Variants in RGS6 observed in about 807,000 individuals in gnomAD.
RGS6 encodes regulator of G protein signaling 6.
In RGS6, 30 loss-of-function variants were observed where a neutral mutation model predicts 78.5. That is an observed-to-expected ratio of 0.38 (90% CI 0.29 to 0.52). The LOEUF (loss-of-function observed/expected upper bound fraction) is 0.52. Among genes scored for constraint, RGS6 ranks in the 20% least tolerant of loss-of-function variants. The probability of loss-of-function intolerance (pLI) is 0.85; values close to 1 mark genes in which losing one functional copy is unlikely to be tolerated. For missense variants in RGS6, 495 were observed against 609.7 expected (o/e 0.81, Z 1.98); for synonymous variants, 206 against 206.0 (o/e 1.00, Z 0.00).
the RGS6 span, among the ~76,000 whole-genome samples, chr14:71,916,940 T>C: frequency 6.6e-6 from 1 of 151,686 alleles, no homozygotes; most frequent in Non-Finnish European, 1.5e-5. Flanking sequence ...AACCTTAGAG[T>C]GTACACAGGG....
intron 17 of RGS6, among the ~76,000 whole-genome samples, chr14:72,547,810 G>T (rs914153221): frequency 6.6e-6 from 1 of 152,164 alleles, no homozygotes; most frequent in Non-Finnish European, 1.5e-5. Flanking sequence ...ATGAGCAACA[G>T]CACCATGGCC....
intron 3 of RGS6, among the ~76,000 whole-genome samples, chr14:72,392,281 A>C (rs2090180123): frequency 6.6e-6 from 1 of 152,066 alleles, no homozygotes; most frequent in Admixed American, 6.6e-5. Context: ...TTTACATCTG[A>C]CCATGAGATG....
At chr14:71,981,356 C>T (rs984414883) in intron 2 of RGS6, among the ~76,000 whole-genome samples, 120 of 152,108 alleles carry the variant, frequency 7.9e-4, no homozygotes, top group Non-Finnish European at 1.1e-3. Flanking sequence ...TAGAGTTTCC[C>T]GTTTTTCTAT....
intron 3 of RGS6, among the ~76,000 whole-genome samples, chr14:72,363,392 TTAAA>T (rs2081875921): frequency 1.3e-5 from 2 of 152,232 alleles, no homozygotes; most frequent in African/African-American, 2.4e-5. Flanking sequence ...CCACGCATCA[TTAAA>T]TACTTATAAA....
intron 13 of RGS6, among the ~76,000 whole-genome samples, chr14:72,504,440 A>C (rs1208236610): frequency 1.3e-5 from 2 of 152,256 alleles, no homozygotes; most frequent in Non-Finnish European, 2.9e-5. Context: ...CTTTCACAGA[A>C]TACTAGAACC....
intron 2 of RGS6, among the ~76,000 whole-genome samples, chr14:72,286,907 C>T (rs970548376): frequency 2.6e-5 from 4 of 152,132 alleles, no homozygotes; most frequent in Non-Finnish European, 5.9e-5. Flanking sequence ...CCTCAGCCTC[C>T]CAAGTAGCTG....
the RGS6 span, among the ~76,000 whole-genome samples, chr14:72,599,095 A>G: frequency 2.6e-5 from 4 of 152,188 alleles, no homozygotes; most frequent in Non-Finnish European, 5.9e-5. Flanking sequence ...CCTCCACCTC[A>G]GTTCTCCTCT....
At chr14:72,604,391 C>T in the RGS6 span, among the ~76,000 whole-genome samples, 105 of 152,354 alleles carry the variant, frequency 6.9e-4, 1 homozygote, top group Middle Eastern at 0.01. Context: ...CAATGCACCT[C>T]CTCATGAAGG....
chr14:72,340,353 C>G (rs1376245924), intron 2 of RGS6, among the ~76,000 whole-genome samples: 1 of 152,068 alleles, frequency 6.6e-6, no homozygotes, highest in Non-Finnish European at 1.5e-5. Context: ...AGCCTGCCAT[C>G]TAAGGAAATG....
chr14:72,043,677 A>G (rs1288012341), intron 2 of RGS6, among the ~76,000 whole-genome samples: 1 of 152,218 alleles, frequency 6.6e-6, no homozygotes, highest in African/African-American at 2.4e-5. Context: ...GGCTTTCAGC[A>G]GTATAAATAT....
intron 2 of RGS6, among the ~76,000 whole-genome samples, chr14:72,282,999 A>G (rs1465903530): frequency 6.6e-6 from 1 of 152,032 alleles, no homozygotes; most frequent in Non-Finnish European, 1.5e-5. Flanking sequence ...ACTATTTTAC[A>G]ATCCTCATAT....
chr14:72,109,129 C>A (rs1167331674), intron 2 of RGS6, among the ~76,000 whole-genome samples: 1 of 151,762 alleles, frequency 6.6e-6, no homozygotes, highest in African/African-American at 2.4e-5. Context: ...TTACCTGAAT[C>A]TTCTCTTTTT....
intron 2 of RGS6, among the ~76,000 whole-genome samples, chr14:72,250,889 A>G (rs1226961808): frequency 2.0e-5 from 3 of 152,164 alleles, no homozygotes; most frequent in Admixed American, 6.5e-5. Context: ...CTGAAGGTTC[A>G]AGTCTGCTGA....
intron 2 of RGS6, among the ~76,000 whole-genome samples, chr14:72,267,839 T>C (rs1395853094): frequency 1.3e-5 from 2 of 152,224 alleles, no homozygotes; most frequent in African/African-American, 2.4e-5. Context: ...AAAAAATGTA[T>C]TTTTGTCCTC....
chr14:71,963,476 G>A (rs536381475), intron 1 of RGS6, among the ~76,000 whole-genome samples: 1 of 152,256 alleles, frequency 6.6e-6, no homozygotes, highest in South Asian at 2.1e-4. Flanking sequence ...GGCCCCTGAA[G>A]GAGACCCTGT....
chr14:72,516,171 C>A (rs556412898), intron 14 of RGS6, among the ~76,000 whole-genome samples: 1 of 152,374 alleles, frequency 6.6e-6, no homozygotes, highest in South Asian at 2.1e-4. Flanking sequence ...CCGCATCTTT[C>A]ACCTACTGGT....
At chr14:72,588,802 A>C in the RGS6 span, among the ~76,000 whole-genome samples, 1 of 152,176 alleles carries the variant, frequency 6.6e-6, no homozygotes, top group Non-Finnish European at 1.5e-5. Context: ...TACAGAAAGA[A>C]ATGGGAACTT....
chr14:72,205,175 C>T (rs1418237982), intron 2 of RGS6, among the ~76,000 whole-genome samples: 1 of 152,146 alleles, frequency 6.6e-6, no homozygotes. Context: ...GTTGAGCTCC[C>T]ATGTCCTCAT....
chr14:72,366,283 C>T (rs1212813208), intron 3 of RGS6, among the ~76,000 whole-genome samples: 1 of 152,088 alleles, frequency 6.6e-6, no homozygotes, highest in Non-Finnish European at 1.5e-5. Flanking sequence ...CCTGTTGGTT[C>T]ACCTGTGGGT....
Sources: allele counts gnomAD v4.1 joint callset (sites outside exome capture counted in the v4.1 genomes callset), GRCh38; gene constraint gnomAD v4.1.1; transcripts MANE v1.5; gene names NCBI Gene and HGNC (gene_info 2026-07-23, HGNC 2026-07-21).